The following ARID1A variants were observed in gnomAD, a reference collection of about 807,000 sequenced individuals.
The protein encoded by ARID1A is AT-rich interaction domain 1A.
A neutral mutation model predicts 212.6 loss-of-function variants in ARID1A; 20 were observed. That is an observed-to-expected ratio of 0.09 (90% CI 0.07 to 0.14). The LOEUF (loss-of-function observed/expected upper bound fraction) is 0.14. Ranked by LOEUF, ARID1A falls within the 10% of genes least tolerant of loss-of-function variation. ARID1A has a pLI of 1.00. For synonymous variants in ARID1A, 1,376 were observed against 1,222.1 expected (o/e 1.13, Z -2.63); for missense variants, 2,587 against 3,059.0 (o/e 0.85, Z 3.64).
intron 7 of ARID1A, among the ~76,000 whole-genome samples, 190 bp downstream of exon 7, chr1:26,762,509 A>G (rs1469779085): frequency 1.3e-5 from 2 of 152,190 alleles, no homozygotes; most frequent in African/African-American, 4.8e-5. Context: ...TCACCATGAG[A>G]AAGTCTTTCA....
At position 26,774,869 on chromosome 1, in the gene ARID1A, C is replaced by T; in HGVS notation, c.4642C>T (p.His1548Tyr). 1 of 1,600,426 alleles carries T rather than the reference C, an allele frequency of 6.2e-7. No individual in the cohort carries two copies. The highest frequency in any genetic ancestry group is 8.5e-7 in the Non-Finnish European group (1 of 1,171,878). The stretch of plus-strand genomic sequence containing the variant: ...CAACCACGAAGGCTCGTGGCCTTCC[C>T]ATGGCACACGCCAGCCCCCATATGG... ...RANHEGSWPSHGTRQPPYGPS... is the reference protein window; with the variant it reads ...RANHEGSWPSYGTRQPPYGPS... Residue 1548 changes from histidine (H) to tyrosine (Y), a missense_variant, in exon 18 of 20, where the codon CAT becomes TAT. Coordinates refer to ENST00000324856, the MANE Select transcript of ARID1A (RefSeq NM_006015.6). This position sits in a 1 kb window ranked among gnomAD's most constrained non-coding sequence, Gnocchi z 5.6.
chr1:26,707,382 T>A (rs1354337787), intron 1 of ARID1A, among the ~76,000 whole-genome samples: 1 of 151,808 alleles, frequency 6.6e-6, no homozygotes, highest in African/African-American at 2.4e-5. Context: ...CTAATTTTTG[T>A]ATTTTTAGTA....
intron 3 of ARID1A, among the ~76,000 whole-genome samples, 157 bp downstream of exon 3, chr1:26,731,761 A>G (rs1046591429): frequency 6.6e-6 from 1 of 152,248 alleles, no homozygotes; most frequent in Non-Finnish European, 1.5e-5. Context: ...GATTGAACTA[A>G]TAAAGGCATA....
chr1:26,744,038 T>C (rs58421016), intron 4 of ARID1A, among the ~76,000 whole-genome samples: 9,066 of 152,228 alleles, frequency 0.06, 327 homozygotes, highest in Non-Finnish European at 0.08. Context: ...CCTTGAATTA[T>C]AGCCCAGGTG....
chr1:26,699,155 A>G (rs569049219), intron 1 of ARID1A, among the ~76,000 whole-genome samples: 1 of 152,294 alleles, frequency 6.6e-6, no homozygotes, highest in African/African-American at 2.4e-5. Context: ...ATTCCTTTGC[A>G]TTTTAATGTA....
chr1:26,751,902 A>C lies in ARID1A; in HGVS notation c.1921-8954A>C, dbSNP rs187221670. Among the ~76,000 whole-genome samples, 231 of 152,330 alleles carry C rather than the reference A, an allele frequency of 1.5e-3. 1 individual carries two copies. The highest frequency in any genetic ancestry group is 2.6e-3 in the Non-Finnish European group (175 of 68,030). Reference sequence around the variant, plus strand: ...CAGGTGGCCAAAAGGTATCAGGAAGAATGAATCATTATCTTCAGAACAATA... The same window carrying C: ...CAGGTGGCCAAAAGGTATCAGGAAGCATGAATCATTATCTTCAGAACAATA... On this transcript the variant is annotated intron_variant, in intron 4 of 19. Coordinates refer to ENST00000324856, the MANE Select transcript of ARID1A (RefSeq NM_006015.6).
rs146913536 is a variant in ARID1A at position 26,764,516 on chromosome 1, A to G, written c.2732+1231A>G. 1.1e-4 allele frequency: 17 copies of G among 152,256 alleles called. No homozygotes were observed. In the East Asian group the frequency reaches 3.3e-3, roughly 29 times the overall value. 9.4% of individuals were successfully genotyped at this position (152,256 alleles called of 1,614,324 possible). A position where few individuals can be genotyped will look rare whatever the true frequency, so the allele number is the denominator to read the frequency against. ...GGTCCTACGTGTTGACTCTGGTGCT[A>G]GAGTACAGAAGGCTCATGTGATTAG... On this transcript the variant is annotated intron_variant, in intron 8 of 19. Transcript: ENST00000324856.
chr1:26,756,354 G>A (rs1057006704), intron 4 of ARID1A, among the ~76,000 whole-genome samples: 1 of 151,914 alleles, frequency 6.6e-6, no homozygotes, highest in Non-Finnish European at 1.5e-5. Flanking sequence ...TCAGGAGTTC[G>A]AGACCAGCCT....
intron 1 of ARID1A, among the ~76,000 whole-genome samples, chr1:26,707,723 G>A (rs539401140): frequency 6.6e-6 from 1 of 152,232 alleles, no homozygotes; most frequent in Non-Finnish European, 1.5e-5. Context: ...TCCTCTTGAT[G>A]AATTTCCTAA....
At chr1:26,705,702 C>A (rs2080385487) in intron 1 of ARID1A, among the ~76,000 whole-genome samples, 1 of 152,130 alleles carries the variant, frequency 6.6e-6, no homozygotes, top group African/African-American at 2.4e-5. Flanking sequence ...GACTTAGTAG[C>A]CTTGAGTATT....
intron 1 of ARID1A, among the ~76,000 whole-genome samples, chr1:26,720,586 A>G (rs2080553351): frequency 6.6e-6 from 1 of 152,026 alleles, no homozygotes. Flanking sequence ...GATTAAAAAT[A>G]CAGATTCCTG....
At chr1:26,716,513 G>A (rs1454567946) in intron 1 of ARID1A, among the ~76,000 whole-genome samples, 1 of 152,280 alleles carries the variant, frequency 6.6e-6, no homozygotes, top group African/African-American at 2.4e-5. Context: ...ATCTTAGGAT[G>A]GGTGCTGGTC....
intron 1 of ARID1A, among the ~76,000 whole-genome samples, chr1:26,725,006 T>C (rs536942380): frequency 6.6e-6 from 1 of 152,258 alleles, no homozygotes. Flanking sequence ...TTATTTTTTA[T>C]GAATGCAGGA....
chr1:26,759,752 T>G (rs1325964428), intron 4 of ARID1A, among the ~76,000 whole-genome samples: 1 of 152,164 alleles, frequency 6.6e-6, no homozygotes, highest in Non-Finnish European at 1.5e-5. Flanking sequence ...AAGCAAAGCC[T>G]ACAAACAAAT....
At chr1:26,717,519 T>G (rs2080514811) in intron 1 of ARID1A, among the ~76,000 whole-genome samples, 1 of 152,346 alleles carries the variant, frequency 6.6e-6, no homozygotes, top group South Asian at 2.1e-4. Flanking sequence ...AACCTCTAGT[T>G]GATGACTTTG....
chr1:26,749,168 AAATAAT>A (rs367683968), intron 4 of ARID1A, among the ~76,000 whole-genome samples: 217 of 152,014 alleles, frequency 1.4e-3, no homozygotes, highest in Middle Eastern at 6.8e-3. Flanking sequence ...CCGTCTCAAA[AAATAAT>A]AATAATAATA....
In ARID1A at chr1:26,780,639, C is replaced by T. The variant is rs775464092; in HGVS notation, c.6741C>T (p.Asn2247=). ...ALLALAKVDE[N]HSEFTLYESR... ...TTGCCTTGGCCAAGGTGGACGAGAA[C>T]CACTCAGAGTTTACTCTGTACGAAT... The change falls in exon 20 of 20, where the codon AAC becomes AAT. Residue 2247 remains asparagine, a synonymous_variant. Transcript: ENST00000324856. This position sits in a 1 kb window ranked among gnomAD's most constrained non-coding sequence, Gnocchi z 7.2. 7 of 1,612,476 alleles carry T rather than the reference C, an allele frequency of 4.3e-6. No individual in the cohort carries two copies. The highest frequency in any genetic ancestry group is 1.3e-5 in the African/African-American group (1 of 75,044).
At chr1:26,757,484 AAG>A (rs1483243857) in intron 4 of ARID1A, among the ~76,000 whole-genome samples, 1 of 151,798 alleles carries the variant, frequency 6.6e-6, no homozygotes, top group African/African-American at 2.4e-5. Context: ...AAAAAAAAAA[AAG>A]GAAATAAAAA....
rs2081078938 is a variant in ARID1A, at chr1:26,771,008, G to A, written c.3199-111G>A. The A allele has an allele frequency of 8.4e-6, 8 of 946,774 alleles. No individual in the cohort carries two copies. The highest frequency in any genetic ancestry group is 1.6e-5 in the African/African-American group (1 of 60,636). 58.6% of individuals were successfully genotyped at this position (946,774 alleles called of 1,614,324 possible). ...AAGATTAACTTTTTCAATTACCTAA[G>A]AACTGTGGTTCTACAAAGATGAATA... On this transcript the variant is annotated intron_variant, in intron 11 of 19. Transcript: ENST00000324856. The surrounding 1 kb of genome is among the most constrained non-coding windows in gnomAD (Gnocchi z 5.4).
Sources: gnomAD v4.1 joint callset for allele counts (sites outside exome capture counted in the v4.1 genomes callset) on GRCh38, gnomAD v4.1.1 for gene constraint, Gnocchi (gnomAD v3.1) non-coding constraint, MANE v1.5 for transcripts, NCBI Gene and HGNC (gene_info 2026-07-23, HGNC 2026-07-21) for gene names.